Variants in SHROOM4 observed in about 807,000 individuals in gnomAD.
SHROOM4 encodes the protein protein Shroom4.
A neutral mutation model predicts 80.3 loss-of-function variants in SHROOM4; 17 were observed. That is an observed-to-expected ratio of 0.21 (90% confidence interval 0.14 to 0.32). The LOEUF is 0.32. Among genes scored for constraint, SHROOM4 ranks in the 10% least tolerant of loss-of-function variants. The pLI, the probability that SHROOM4 is intolerant of heterozygous loss-of-function variation, is 1.00. For synonymous variants in SHROOM4, 400 were observed against 437.5 expected, an observed-to-expected ratio of 0.91 and a Z score of 1.07; for missense variants, 993 against 1,140.3, an observed-to-expected ratio of 0.87 and a Z score of 1.86.
intron 1 of SHROOM4, 66 bp downstream of exon 1, chrX:50,813,836 C>T: frequency 1.1e-6 from 1 of 878,189 alleles, no homozygotes. Flanking sequence ...CGTCCAGCGG[C>T]AGCCTTCGCA....
intron 2 of SHROOM4, among the ~76,000 whole-genome samples, chrX:50,639,636 A>C (rs1931508842): frequency 9.0e-6 from 1 of 111,603 alleles, no homozygotes; most frequent in South Asian, 3.8e-4. Flanking sequence ...CTATATCGTG[A>C]GATAAAGCAG....
intron 1 of SHROOM4, among the ~76,000 whole-genome samples, chrX:50,722,559 C>T (rs1351577601): frequency 9.0e-6 from 1 of 110,777 alleles, no homozygotes; most frequent in Non-Finnish European, 1.9e-5. Flanking sequence ...GCCAGCAATA[C>T]ACTCACGGGA....
intron 1 of SHROOM4, among the ~76,000 whole-genome samples, chrX:50,723,695 G>A (rs976400751): frequency 5.4e-5 from 6 of 110,816 alleles, no homozygotes; most frequent in Admixed American, 9.5e-5. Flanking sequence ...CTCTTACAGT[G>A]GAGGGTAAGT....
At chrX:50,723,545 T>A (rs187881934) in intron 1 of SHROOM4, among the ~76,000 whole-genome samples, 1 of 111,398 alleles carries the variant, frequency 9.0e-6, no homozygotes. Flanking sequence ...TGGTTCATTC[T>A]GATGCTTTAA....
downstream of SHROOM4, among the ~76,000 whole-genome samples, chrX:50,584,650 T>C (rs1209641997): frequency 1.7e-4 from 19 of 111,555 alleles, no homozygotes; most frequent in African/African-American, 5.9e-4. Context: ...ACAGAATTGA[T>C]AGGACTTGGT....
chrX:50,606,359 A>G (rs1222142252), intron 6 of SHROOM4, among the ~76,000 whole-genome samples: 8 of 109,873 alleles, frequency 7.3e-5, no homozygotes, highest in Non-Finnish European at 1.1e-4. Flanking sequence ...TTTGTCTGAC[A>G]ATAAAAGACA....
intron 1 of SHROOM4, among the ~76,000 whole-genome samples, chrX:50,772,599 C>T (rs547409492): frequency 1.8e-5 from 2 of 111,559 alleles, no homozygotes; most frequent in African/African-American, 6.5e-5. Context: ...GCCAGAAAGA[C>T]CCCATTAAGA....
chrX:50,720,142 T>C (rs782400294), intron 1 of SHROOM4, among the ~76,000 whole-genome samples: 92 of 111,210 alleles, frequency 8.3e-4, no homozygotes, highest in Non-Finnish European at 1.3e-3. Flanking sequence ...ATGAAGTGAC[T>C]GCTAGACAAT....
At chrX:50,797,046 TG>T (rs1308637177) in intron 1 of SHROOM4, among the ~76,000 whole-genome samples, 1 of 58,931 alleles carries the variant, frequency 1.7e-5, no homozygotes, top group African/African-American at 7.1e-5. Flanking sequence ...GGGGAAAGGA[TG>T]GGGGGAGGGA....
intron 1 of SHROOM4, among the ~76,000 whole-genome samples, chrX:50,732,641 A>G (rs1557266396): frequency 8.9e-6 from 1 of 112,155 alleles, no homozygotes; most frequent in East Asian, 2.8e-4. Flanking sequence ...AAGGAATACT[A>G]AGGACAATTA....
rs1931268073 is a variant in SHROOM4 at position 50,634,916 on chromosome X, T to C, written c.1157A>G (p.Glu386Gly). The change falls in exon 4 of 9, where the codon GAG becomes GGG. Residue 386 changes from glutamate to glycine, a missense_variant. Coordinates refer to ENST00000376020, the MANE Select transcript of SHROOM4 (RefSeq NM_020717.5). ...AGCCTTAGCTAGCTCTGCAGAAGCC[T>C]CATTGAGTGGGTTGGAATCCACGCT... ...ASSVDSNPLN[E>G]ASAELAKASF... 5.8e-6 allele frequency: 7 copies of C among 1,209,269 alleles called. No individual in the cohort carries two copies. Among genetic ancestry groups the C allele is most frequent in the Non-Finnish European group, 7.8e-6 (7 of 894,170 alleles).
chrX:50,631,804 C>A (rs1436670124), intron 4 of SHROOM4, among the ~76,000 whole-genome samples: 1 of 111,260 alleles, frequency 9.0e-6, no homozygotes, highest in Non-Finnish European at 1.9e-5. Context: ...ACAAATATCC[C>A]TGGTGGTTGG....
intron 2 of SHROOM4, among the ~76,000 whole-genome samples, chrX:50,655,591 T>C (rs1449372429): frequency 9.4e-6 from 1 of 106,198 alleles, no homozygotes; most frequent in African/African-American, 3.5e-5. Flanking sequence ...ATATTTTCTT[T>C]ATTCATCATC....
rs147230005 is a variant in SHROOM4 at position 50,640,667 on chromosome X, C to T, written c.270-2359G>A. 4.8e-3 allele frequency among the ~76,000 whole-genome samples: 542 copies of T among 111,980 alleles called. 3 individuals carry two copies. Among genetic ancestry groups the T allele is most frequent in the African/African-American group, 0.015 (476 of 30,868 alleles). On this transcript the variant is annotated intron_variant, in intron 2 of 8. Coordinates refer to ENST00000376020, the MANE Select transcript of SHROOM4 (RefSeq NM_020717.5). ...ATTTCTTACTCTGTCCCACATCAAA[C>T]GTAAACTAGATCAGTTTCAAAGTCT...
chrX:50,583,298 A>G (rs1190803114), downstream of SHROOM4, among the ~76,000 whole-genome samples: 1 of 109,949 alleles, frequency 9.1e-6, no homozygotes. Flanking sequence ...TTAGTGTCCA[A>G]TTGTCCTTAG....
intron 2 of SHROOM4, among the ~76,000 whole-genome samples, chrX:50,647,666 C>T (rs1557258110): frequency 1.8e-5 from 2 of 111,875 alleles, no homozygotes; most frequent in Admixed American, 9.5e-5. Context: ...ACTCACTGTT[C>T]GACCTACCAC....
chrX:50,616,748 T>C (rs933825554), intron 5 of SHROOM4, among the ~76,000 whole-genome samples: 2 of 111,641 alleles, frequency 1.8e-5, no homozygotes, highest in Non-Finnish European at 3.8e-5. Flanking sequence ...ACACAGGTGG[T>C]TCAGGGACCA....
chrX:50,652,175 T>C (rs1441412923), intron 2 of SHROOM4, among the ~76,000 whole-genome samples: 1 of 111,907 alleles, frequency 8.9e-6, no homozygotes, highest in African/African-American at 3.3e-5. Flanking sequence ...TCCACAATGG[T>C]TCAACTAATT....
At chrX:50,795,087 TGATATATA>T (rs1935950738) in intron 1 of SHROOM4, among the ~76,000 whole-genome samples, 1 of 62,644 alleles carries the variant, frequency 1.6e-5, no homozygotes, top group African/African-American at 1.0e-4. Context: ...TATATATATA[TGATATATA>T]TATATGATAT....
Sources: allele counts gnomAD v4.1 joint callset (sites outside exome capture counted in the v4.1 genomes callset), GRCh38; gene constraint gnomAD v4.1.1; transcripts MANE v1.5; gene names NCBI Gene and HGNC (gene_info 2026-07-23, HGNC 2026-07-21).